Variants in PHRF1 observed in about 807,000 individuals in gnomAD.
PHRF1 encodes the protein PHD and RING finger domain-containing protein 1.
Under a neutral mutation model 128.9 loss-of-function variants are expected in PHRF1, and 53 were observed. The ratio of observed to expected loss-of-function variants is 0.41; its 90% CI spans 0.33 to 0.52. The LOEUF (loss-of-function observed/expected upper bound fraction) is 0.52, where lower values mean the gene tolerates loss of function less well. PHRF1 is among the 20% of genes least tolerant of loss of function. The pLI is 0.21. For missense variants in PHRF1, 2,503 were observed against 2,284.5 expected, an observed-to-expected ratio of 1.10 and a Z score of -1.95; for synonymous variants, 1,178 against 980.6, an observed-to-expected ratio of 1.20 and a Z score of -3.76.
chr11:611,761 A>C lies in PHRF1; in HGVS notation c.4934A>C (p.Gln1645Pro). 1 of 1,606,336 alleles carries C rather than the reference A, an allele frequency of 6.2e-7. No individual in the cohort carries two copies. The highest frequency in any genetic ancestry group is 8.5e-7 in the Non-Finnish European group (1 of 1,177,012). The change falls in exon 18 of 18, where the codon CAG (glutamine) becomes CCG (proline). Residue 1645 changes from glutamine (Q) to proline (P), a missense_variant. Physicochemically the swap from Gln to Pro is moderately conservative, Grantham distance 76. Transcript: ENST00000264555. ...KPEAGEEPPT[Q>P]GAEG Reference sequence around the variant, plus strand: ...GAGGCCGGGGAGGAGCCGCCCACGCAGGGGGCCGAGGGCTGAGGCCAGGCA... The same window carrying C: ...GAGGCCGGGGAGGAGCCGCCCACGCCGGGGGCCGAGGGCTGAGGCCAGGCA...
intron 4 of PHRF1, among the ~76,000 whole-genome samples, chr11:589,710 A>G (rs146818931): frequency 3.3e-5 from 5 of 152,408 alleles, no homozygotes; most frequent in African/African-American, 1.2e-4. Context: ...TAGCTCTGTG[A>G]TAAGAAAAGA....
At chr11:584,638 A>C (rs1854412749) in intron 3 of PHRF1, among the ~76,000 whole-genome samples, 1 of 144,834 alleles carries the variant, frequency 6.9e-6, no homozygotes, top group East Asian at 2.2e-4. Flanking sequence ...GGAGCCCCTG[A>C]GGGCTGAGCG....
chr11:580,991 A>C (rs1362730513), intron 1 of PHRF1, among the ~76,000 whole-genome samples: 1 of 129,756 alleles, frequency 7.7e-6, no homozygotes, highest in East Asian at 2.2e-4. Flanking sequence ...GCCTGGCCTA[A>C]TTTTATATTT....
intron 10 of PHRF1, among the ~76,000 whole-genome samples, chr11:602,681 C>G (rs763360772): frequency 1.3e-5 from 2 of 151,096 alleles, no homozygotes; most frequent in Non-Finnish European, 1.5e-5. Context: ...AACTCTGCCT[C>G]AAAAACAAAA....
rs1433206346 is a variant in PHRF1, at chr11:609,167, G to A, written c.3711G>A (p.Lys1237=). The A allele has an allele frequency of 1.2e-6, 2 of 1,606,158 alleles. No individual in the cohort carries two copies. Among genetic ancestry groups the A allele is most frequent in the African/African-American group, 1.3e-5 (1 of 74,924 alleles). The part of the protein sequence containing the change: ...HVSPEVATAD[K]APLQAPPVLE... ...CGCCGGAGGTGGCTACGGCCGACAA[G>A]GCCCCCCTGCAGGCTCCCCCTGTCC... The change falls in exon 14 of 18, where the codon AAG becomes AAA. Residue 1237 remains lysine, a synonymous_variant. Coordinates refer to ENST00000264555, the MANE Select transcript of PHRF1 (RefSeq NM_001286581.2).
intron 5 of PHRF1, among the ~76,000 whole-genome samples, chr11:591,910 C>G (rs1376646341): frequency 6.7e-6 from 1 of 148,350 alleles, no homozygotes; most frequent in African/African-American, 2.5e-5. Flanking sequence ...CCACACCCGG[C>G]TGTTTTTTTT....
chr11:602,663 G>A (rs1193306648), intron 10 of PHRF1, among the ~76,000 whole-genome samples: 1 of 151,930 alleles, frequency 6.6e-6, no homozygotes, highest in African/African-American at 2.4e-5. Context: ...CCTGGGAGAC[G>A]AGAGCAAAAC....
At chr11:576,786 GGGA>G in intron 1 of PHRF1, among the ~76,000 whole-genome samples, 194 bp downstream of exon 1, 1 of 107,960 alleles carries the variant, frequency 9.3e-6, no homozygotes, top group Non-Finnish European at 2.1e-5. Flanking sequence ...CGCCGAGACT[GGGA>G]GGCCCCGCCG....
intron 9 of PHRF1, among the ~76,000 whole-genome samples, chr11:600,812 A>G (rs1855583456): frequency 6.6e-6 from 1 of 151,914 alleles, no homozygotes; most frequent in African/African-American, 2.4e-5. Context: ...TAAAAATACA[A>G]AAAATTAGCC....
chr11:592,522 G>C (rs780167476), intron 5 of PHRF1, 37 bp from the exon 6 acceptor site: 13 of 1,587,402 alleles, frequency 8.2e-6, no homozygotes, highest in Admixed American at 1.7e-5. Context: ...CGGGGAGTTT[G>C]GGTCCTGTGT....
intron 10 of PHRF1, among the ~76,000 whole-genome samples, chr11:603,856 C>T (rs1325092700): frequency 6.7e-6 from 1 of 149,728 alleles, no homozygotes; most frequent in African/African-American, 2.5e-5. Context: ...GTGTGTGCTA[C>T]CACGCCCGGC....
chr11:582,738 A>G (rs1441696637), intron 3 of PHRF1, among the ~76,000 whole-genome samples: 1 of 151,060 alleles, frequency 6.6e-6, no homozygotes, highest in Admixed American at 6.6e-5. Context: ...GTTAGCCAGG[A>G]TGGTCTCGAT....
At position 611,630 on chromosome 11, in the gene PHRF1, C is replaced by G; in HGVS notation, c.4807-4C>G. 6.2e-7 allele frequency: 1 copy of G among 1,612,894 alleles called. No individual in the cohort carries two copies. Among genetic ancestry groups the G allele is most frequent in the Non-Finnish European group, 8.5e-7 (1 of 1,179,806 alleles). ...GCATTTGGTGATTGCACCTCTTTCT[C>G]CAGATCTGCCACAGCAAGAGTGGAG... On this transcript the variant is annotated splice_polypyrimidine_tract_variant and splice_region_variant and intron_variant, in intron 17 of 17. Transcript: ENST00000264555.
chr11:599,343 C>T (rs1417665999), intron 9 of PHRF1, among the ~76,000 whole-genome samples: 10 of 149,836 alleles, frequency 6.7e-5, no homozygotes, highest in African/African-American at 1.2e-4. Context: ...CTCCACCTTC[C>T]GGGTTCAAGT....
chr11:577,169 C>T (rs563194706), intron 1 of PHRF1, among the ~76,000 whole-genome samples: 1 of 152,212 alleles, frequency 6.6e-6, no homozygotes, highest in Non-Finnish European at 1.5e-5. Context: ...TCTTGCAGTC[C>T]TCACAAGAGC....
At chr11:602,678 C>T (rs889199781) in intron 10 of PHRF1, among the ~76,000 whole-genome samples, 1 of 151,706 alleles carries the variant, frequency 6.6e-6, no homozygotes, top group Non-Finnish European at 1.5e-5. Flanking sequence ...CAAAACTCTG[C>T]CTCAAAAACA....
At chr11:601,505 T>C (rs990964861) in intron 9 of PHRF1, 69 bp from the exon 10 acceptor site, 1 of 1,601,916 alleles carries the variant, frequency 6.2e-7, no homozygotes, top group Non-Finnish European at 8.5e-7. Context: ...TCCACTGGGC[T>C]GGACTCACAG....
chr11:609,794 G>GC (rs1856246145), intron 14 of PHRF1, 74 bp downstream of exon 14: 7 of 1,049,902 alleles, frequency 6.7e-6, no homozygotes, highest in Non-Finnish European at 8.9e-6. Flanking sequence ...CGAGGACAGA[G>GC]CCCCCCGTGA....
rs199734108 is a variant in PHRF1, at chr11:598,429, G to A, written c.951G>A (p.Ala317=). The change falls in exon 9 of 18, where the codon GCG becomes GCA. Residue 317 remains alanine, a synonymous_variant. Transcript: ENST00000264555. ...SLLDEAIEAV[A]TGLSTAVYQR... The stretch of plus-strand genomic sequence containing the variant: ...TGGATGAAGCCATCGAGGCTGTGGC[G>A]ACTGGCCTGAGCACTGCCGTGTATC... The A allele has an allele frequency of 6.8e-5, 110 of 1,611,228 alleles. No homozygotes were observed. In the Middle Eastern group the frequency reaches 8.2e-4, roughly 12 times the overall value.
Sources: gnomAD v4.1 joint callset for allele counts (sites outside exome capture counted in the v4.1 genomes callset) on GRCh38, gnomAD v4.1.1 for gene constraint, MANE v1.5 for transcripts, NCBI Gene and HGNC (gene_info 2026-07-23, HGNC 2026-07-21) for gene names.